Variants in OCLN observed in about 807,000 individuals in gnomAD.
The protein encoded by OCLN is occludin.
OCLN carries 21 observed loss-of-function variants against 47.9 expected under a neutral mutation model. The ratio of observed to expected loss-of-function variants is 0.44; its 90% CI spans 0.31 to 0.63. The LOEUF (loss-of-function observed/expected upper bound fraction) is 0.63, where lower values mean the gene tolerates loss of function less well. Among genes scored for constraint, OCLN ranks in the 30% least tolerant of loss-of-function variants. The pLI is 0.08. For synonymous variants in OCLN, 117 were observed against 198.4 expected, an observed-to-expected ratio of 0.59 and a Z score of 3.45; for missense variants, 360 against 571.0, an observed-to-expected ratio of 0.63 and a Z score of 3.77.
chr5:69,518,190 A>G (rs970450033), intron 4 of OCLN, among the ~76,000 whole-genome samples: 2 of 152,234 alleles, frequency 1.3e-5, no homozygotes, highest in African/African-American at 4.8e-5. Flanking sequence ...TTAAGAAGGT[A>G]TTATTTTAAT....
At chr5:69,496,648 C>T (rs1016138617) in intron 1 of OCLN, among the ~76,000 whole-genome samples, 3 of 149,962 alleles carry the variant, frequency 2.0e-5, no homozygotes, top group African/African-American at 7.5e-5. Context: ...TCAAACAATC[C>T]CTCTGCCTTG....
At chr5:69,514,851 C>T (rs952381979) in intron 4 of OCLN, among the ~76,000 whole-genome samples, 2 of 152,154 alleles carry the variant, frequency 1.3e-5, no homozygotes, top group Admixed American at 1.3e-4. Flanking sequence ...GTAGGGTCAC[C>T]GATCAACAGG....
rs762666162 is a variant in OCLN at position 69,554,940 on chromosome 5, A to AT, written c.*1284dup. 1,004 of 137,252 alleles carry AT rather than the reference A, an allele frequency of 7.3e-3. 12 individuals carry two copies. The highest frequency in any genetic ancestry group is 0.014 in the African/African-American group (554 of 38,538). The allele number at this position is 137,252 out of a possible 1,614,324, so 8.5% of individuals were successfully genotyped here. A position where few individuals can be genotyped will look rare whatever the true frequency, so the allele number is the denominator to read the frequency against. ...TGCATTTCAGATATTTAGGTATATA[A>AT]TTTTTTTTTTTTTTTGAGACAGAGT... On this transcript the variant is annotated 3_prime_UTR_variant, in exon 9 of 9. Coordinates refer to ENST00000396442, the MANE Select transcript of OCLN (RefSeq NM_001205254.2).
chr5:69,554,726 A>G lies in OCLN; in HGVS notation c.*1055A>G, dbSNP rs2112102209. On this transcript the variant is annotated 3_prime_UTR_variant, in exon 9 of 9. Coordinates refer to ENST00000396442, the MANE Select transcript of OCLN (RefSeq NM_001205254.2). ...AGAATGCTGATATGTCTGGGAATAG[A>G]ATGCTATACCACGAAATACCAAATA... 6.6e-6 allele frequency: 1 copy of G among 151,938 alleles called. No homozygotes were observed. The highest frequency in any genetic ancestry group is 1.9e-4 in the East Asian group (1 of 5,154). 9.4% of individuals were successfully genotyped at this position (151,938 alleles called of 1,614,324 possible). A position where few individuals can be genotyped will look rare whatever the true frequency, so the allele number is the denominator to read the frequency against.
At chr5:69,494,185 TTG>T (rs71787949) in intron 1 of OCLN, among the ~76,000 whole-genome samples, 130,908 of 151,328 alleles carry the variant, frequency 0.87, 56,725 homozygotes, top group South Asian at 0.9. Flanking sequence ...TATGAGGTGC[TTG>T]TGTGTGTGTG....
chr5:69,538,843 G>GT (rs551063957), intron 5 of OCLN, among the ~76,000 whole-genome samples: 39 of 108,384 alleles, frequency 3.6e-4, no homozygotes, highest in African/African-American at 5.0e-4. Flanking sequence ...ATCCTTCTAA[G>GT]TTTTTTTTTT....
At chr5:69,500,211 T>A (rs1363547072) in intron 1 of OCLN, among the ~76,000 whole-genome samples, 1 of 152,172 alleles carries the variant, frequency 6.6e-6, no homozygotes, top group Admixed American at 6.6e-5. Context: ...GCTAATTGGG[T>A]GCCGTAATCC....
At chr5:69,502,363 A>G (rs1670617125) in intron 1 of OCLN, 2 of 152,194 alleles carry the variant, frequency 1.3e-5, no homozygotes, top group South Asian at 2.1e-4. Context: ...AGTGTCATTC[A>G]GGGATCATAC....
intron 4 of OCLN, among the ~76,000 whole-genome samples, chr5:69,530,341 C>T (rs1249214920): frequency 1.3e-5 from 2 of 152,054 alleles, no homozygotes; most frequent in East Asian, 1.9e-4. Context: ...GTTGGGGACT[C>T]CTTGTAGAAA....
At position 69,493,208 on chromosome 5, in the gene OCLN, T is replaced by G. The variant is rs373086167; in HGVS notation, c.-69+308T>G. Among the ~76,000 whole-genome samples the G allele has an allele frequency of 1.3e-5, 2 of 152,034 alleles. No homozygotes were observed. Among genetic ancestry groups the G allele is most frequent in the East Asian group, 1.9e-4 (1 of 5,158 alleles). On this transcript the variant is annotated intron_variant, in intron 1 of 8. Coordinates refer to ENST00000396442, the MANE Select transcript of OCLN (RefSeq NM_001205254.2). This position sits in a 1 kb window ranked among gnomAD's most constrained non-coding sequence, Gnocchi z 5.3. ...CGGCGCGGGCAACTTTTCACTTTTA[T>G]GGGGCACGACATTCCTGAACAGCGA...
intron 4 of OCLN, among the ~76,000 whole-genome samples, chr5:69,532,991 A>G (rs1401945324): frequency 1.1e-4 from 8 of 75,100 alleles, no homozygotes; most frequent in Non-Finnish European, 1.9e-4. Context: ...ATATATATGT[A>G]TGCATGTATG....
At chr5:69,501,351 C>T (rs1768453852) in intron 1 of OCLN, among the ~76,000 whole-genome samples, 1 of 152,114 alleles carries the variant, frequency 6.6e-6, no homozygotes, top group African/African-American at 2.4e-5. Context: ...AGAAATTGGC[C>T]AGGTGTATTG....
intron 4 of OCLN, among the ~76,000 whole-genome samples, chr5:69,530,396 CTT>C (rs996620059): frequency 6.6e-6 from 1 of 152,238 alleles, no homozygotes; most frequent in Admixed American, 6.5e-5. Flanking sequence ...CCCCCTTCTA[CTT>C]TCCTACTGTC....
chr5:69,525,665 T>A (rs1345996036), intron 4 of OCLN, among the ~76,000 whole-genome samples: 1 of 152,000 alleles, frequency 6.6e-6, no homozygotes, highest in Non-Finnish European at 1.5e-5. Context: ...TTTATAAGAG[T>A]TTTTATGGGG....
At chr5:69,529,453 T>C (rs1300692862) in intron 4 of OCLN, among the ~76,000 whole-genome samples, 1 of 152,242 alleles carries the variant, frequency 6.6e-6, no homozygotes, top group African/African-American at 2.4e-5. Flanking sequence ...TTCATTTTGC[T>C]ATTTCGGAAA....
At chr5:69,553,528 T>C (rs1243056023) in intron 8 of OCLN, 42 bp from the exon 9 acceptor site, 2 of 1,597,328 alleles carry the variant, frequency 1.3e-6, no homozygotes, top group African/African-American at 2.7e-5. Context: ...AGACCTGTTT[T>C]CATTTTGTTG....
In OCLN at chr5:69,536,428, T is replaced by C. The variant is rs1165932288; in HGVS notation, c.1037+1589T>C. ...GCTCACGCCTGTAATCCCCACACTT[T>C]GGGAGGCCCAGGTGGACGGATCACC... On this transcript the variant is annotated intron_variant, in intron 5 of 8. Coordinates refer to ENST00000396442, the MANE Select transcript of OCLN (RefSeq NM_001205254.2). Among the ~76,000 whole-genome samples, 8 of 136,138 alleles carry C rather than the reference T, an allele frequency of 5.9e-5. 1 individual carries two copies. Among genetic ancestry groups the C allele is most frequent in the East Asian group, 2.1e-4 (1 of 4,714 alleles). 89.3% of individuals were successfully genotyped at this position (136,138 alleles called of 152,430 possible).
intron 4 of OCLN, among the ~76,000 whole-genome samples, chr5:69,520,406 T>C (rs1042596175): frequency 4.0e-5 from 6 of 151,762 alleles, no homozygotes; most frequent in Admixed American, 3.9e-4. Flanking sequence ...GTTCAAGCGA[T>C]TCTCCTGCCT....
intron 4 of OCLN, among the ~76,000 whole-genome samples, chr5:69,515,595 C>CT (rs1768929873): frequency 6.6e-6 from 1 of 151,334 alleles, no homozygotes; most frequent in Non-Finnish European, 1.5e-5. Context: ...GCTGACCCCC[C>CT]CACCTCCCTC....
Sources: gnomAD v4.1 joint callset for allele counts (sites outside exome capture counted in the v4.1 genomes callset) on GRCh38, gnomAD v4.1.1 for gene constraint, Gnocchi (gnomAD v3.1) non-coding constraint, MANE v1.5 for transcripts, NCBI Gene and HGNC (gene_info 2026-07-23, HGNC 2026-07-21) for gene names.